Variants in FBXW8 observed in about 807,000 individuals in gnomAD.
FBXW8 encodes F-box/WD repeat-containing protein 8.
A neutral mutation model predicts 65.3 loss-of-function variants in FBXW8; 57 were observed. The observed-to-expected ratio is 0.87, with a 90% CI of 0.71 to 1.09. The LOEUF is 1.09. FBXW8 is among the 50% of genes least tolerant of loss of function. FBXW8 has a pLI of 0.00. For synonymous variants in FBXW8, 308 were observed against 330.2 expected (o/e 0.93, Z 0.73); for missense variants, 777 against 814.8 (o/e 0.95, Z 0.57).
intron 4 of FBXW8, among the ~76,000 whole-genome samples, chr12:116,954,557 G>C (rs1883514386): frequency 1.3e-5 from 2 of 152,064 alleles, no homozygotes; most frequent in Non-Finnish European, 2.9e-5. Flanking sequence ...ATTTTAAAAT[G>C]ATTAGACACA....
chr12:117,024,132 C>T lies in FBXW8; in HGVS notation c.1368-15C>T. 6.2e-7 allele frequency: 1 copy of T among 1,611,264 alleles called. No individual in the cohort carries two copies. Among genetic ancestry groups the T allele is most frequent in the Non-Finnish European group, 8.5e-7 (1 of 1,178,332 alleles). Reference sequence around the variant, plus strand: ...AACCCCATTTCCCTTCTCTGCTCTTCCTGGGCCTGTCCAGGGTGAGGATCC... The same window carrying T: ...AACCCCATTTCCCTTCTCTGCTCTTTCTGGGCCTGTCCAGGGTGAGGATCC... On this transcript the variant is annotated splice_polypyrimidine_tract_variant and intron_variant, in intron 8 of 10. Transcript: ENST00000652555.
In FBXW8 at chr12:116,955,181, G is replaced by T. The variant is rs189260028; in HGVS notation, c.677+5475G>T. Among the ~76,000 whole-genome samples, 825 of 152,162 alleles carry T rather than the reference G, an allele frequency of 5.4e-3. 11 individuals are homozygous for T. The highest frequency in any genetic ancestry group is 0.019 in the African/African-American group (797 of 41,504). Reference sequence around the variant, plus strand: ...CACTCTCTGGACTTCCATTACCTCCGTGAGCGCCTTCTCTGGCCCTCGTTC... The same window carrying T: ...CACTCTCTGGACTTCCATTACCTCCTTGAGCGCCTTCTCTGGCCCTCGTTC... On this transcript the variant is annotated intron_variant, in intron 4 of 10. Coordinates refer to ENST00000652555, the MANE Select transcript of FBXW8 (RefSeq NM_153348.3).
intron 1 of FBXW8, among the ~76,000 whole-genome samples, chr12:116,912,222 C>T (rs915534520): frequency 1.4e-5 from 2 of 138,720 alleles, no homozygotes; most frequent in South Asian, 2.3e-4. Flanking sequence ...GGGTCTTGCT[C>T]TGTTGCCCAG....
chr12:117,010,440 A>G lies in FBXW8; in HGVS notation c.1357A>G (p.Met453Val). Reference protein sequence around the residue: ...SPPNLMVSGNMDGRVRIHDLR... With the variant: ...SPPNLMVSGNVDGRVRIHDLR... ...TCCCAACCTCATGGTCAGTGGCAACATGGACGGGAGGTACGTGAGTTGGAA... is the reference window on the plus strand; with the variant it reads ...TCCCAACCTCATGGTCAGTGGCAACGTGGACGGGAGGTACGTGAGTTGGAA... The change falls in exon 8 of 11, where the codon ATG (methionine) becomes GTG (valine). Residue 453 changes from methionine (M) to valine (V), a missense_variant. Coordinates refer to ENST00000652555, the MANE Select transcript of FBXW8 (RefSeq NM_153348.3). 6.2e-7 allele frequency: 1 copy of G among 1,614,226 alleles called. No individual in the cohort carries two copies. The highest frequency in any genetic ancestry group is 8.5e-7 in the Non-Finnish European group (1 of 1,180,044).
intron 7 of FBXW8, among the ~76,000 whole-genome samples, chr12:117,009,866 T>G (rs1337747228): frequency 6.6e-6 from 1 of 152,188 alleles, no homozygotes; most frequent in Admixed American, 6.5e-5. Context: ...TTCATCTTCC[T>G]GGTCCTTGTA....
chr12:117,022,955 C>T (rs1388134943), intron 8 of FBXW8, among the ~76,000 whole-genome samples: 1 of 152,168 alleles, frequency 6.6e-6, no homozygotes, highest in African/African-American at 2.4e-5. Flanking sequence ...GCAGACACAC[C>T]AGGTCCCACT....
Position 117,024,289 on chromosome 12 carries a change from A to T in FBXW8, c.1510A>T (p.Met504Leu). 1.2e-6 allele frequency: 2 copies of T among 1,614,192 alleles called. No individual in the cohort carries two copies. Among genetic ancestry groups the T allele is most frequent in the Non-Finnish European group, 1.7e-6 (2 of 1,180,022 alleles). Residue 504 changes from methionine (M) to leucine (L), a missense_variant, in exon 9 of 11, where the codon ATG becomes TTG. Coordinates refer to ENST00000652555, the MANE Select transcript of FBXW8 (RefSeq NM_153348.3). ...CCTGGTGTCCGTGTGGGATTATCGGATGAACCAGAAGCTGTGGGAGGTGTA... is the reference window on the plus strand; with the variant it reads ...CCTGGTGTCCGTGTGGGATTATCGGTTGAACCAGAAGCTGTGGGAGGTGTA... ...EGLVSVWDYR[M>L]NQKLWEVYSG...
chr12:116,946,715 C>T (rs180847927), intron 3 of FBXW8, among the ~76,000 whole-genome samples: 8 of 152,022 alleles, frequency 5.3e-5, no homozygotes, highest in Non-Finnish European at 8.8e-5. Flanking sequence ...CATCCACCTA[C>T]GGTAATAAAC....
chr12:117,017,041 C>T (rs984607590), intron 8 of FBXW8, among the ~76,000 whole-genome samples: 38 of 152,278 alleles, frequency 2.5e-4, no homozygotes, highest in African/African-American at 7.5e-4. Context: ...ATTACAATAC[C>T]TCACCCTTTC....
intron 9 of FBXW8, among the ~76,000 whole-genome samples, chr12:117,026,283 TCCTCCAGGCTGCAGG>T (rs1954226117): frequency 1.4e-5 from 2 of 147,476 alleles, no homozygotes; most frequent in Non-Finnish European, 3.0e-5. Context: ...TTTCCTTCAG[TCCTCCAGGCTGCAGG>T]CCTCCACCAA....
intron 5 of FBXW8, among the ~76,000 whole-genome samples, chr12:116,965,316 A>G (rs190473187): frequency 2.9e-4 from 44 of 152,352 alleles, no homozygotes; most frequent in Admixed American, 2.7e-3. Flanking sequence ...TTAATATACC[A>G]TACCAGATAA....
At chr12:116,994,856 G>A (rs1246926840) in intron 7 of FBXW8, among the ~76,000 whole-genome samples, 1 of 152,202 alleles carries the variant, frequency 6.6e-6, no homozygotes, top group Non-Finnish European at 1.5e-5. Context: ...GAATGTATTT[G>A]TAGGATCATT....
rs755028773 is a variant in FBXW8, at chr12:116,945,356, T to A, written c.424-8T>A. On this transcript the variant is annotated splice_polypyrimidine_tract_variant and splice_region_variant and intron_variant, in intron 2 of 10. Transcript: ENST00000652555. ...AATTTGACATTTGTGTCACTTCTGC[T>A]GTTTTAGGTGAGCAAGACGTGGAAG... 3 of 1,602,102 alleles carry A rather than the reference T, an allele frequency of 1.9e-6. No homozygotes were observed. In the South Asian group the frequency reaches 3.3e-5, roughly 18 times the overall value.
chr12:117,025,443 G>A (rs988576621), intron 9 of FBXW8, among the ~76,000 whole-genome samples: 33 of 152,194 alleles, frequency 2.2e-4, no homozygotes, highest in Admixed American at 1.4e-3. Context: ...CCCACTTACC[G>A]CAAATCAAGG....
At chr12:116,947,750 A>AAAAAAAG (rs1555218999) in intron 3 of FBXW8, among the ~76,000 whole-genome samples, 10 of 137,704 alleles carry the variant, frequency 7.3e-5, no homozygotes, top group Non-Finnish European at 1.2e-4. Context: ...AAAAAAAAAA[A>AAAAAAAG]AAAAGAAAAG....
chr12:116,998,511 C>T (rs1218796631), intron 7 of FBXW8, among the ~76,000 whole-genome samples: 1 of 152,180 alleles, frequency 6.6e-6, no homozygotes, highest in Non-Finnish European at 1.5e-5. Context: ...GTGGAATTGC[C>T]TTCCTGGTTT....
At position 116,923,551 on chromosome 12, in the gene FBXW8, G is replaced by T. The variant is rs186413434; in HGVS notation, c.319-4472G>T. On this transcript the variant is annotated intron_variant, in intron 1 of 10. Coordinates refer to ENST00000652555, the MANE Select transcript of FBXW8 (RefSeq NM_153348.3). ...TTTTTTTGTTTTGAGACAGAGTCTC[G>T]CTCGCTCTGTCACCCAGGCTGGAGT... Among the ~76,000 whole-genome samples, 119 of 150,604 alleles carry T rather than the reference G, an allele frequency of 7.9e-4. 1 individual carries two copies. The highest frequency in any genetic ancestry group is 2.8e-3 in the African/African-American group (116 of 40,986).
intron 4 of FBXW8, among the ~76,000 whole-genome samples, chr12:116,962,888 C>T (rs1344896781): frequency 2.0e-5 from 3 of 152,326 alleles, no homozygotes; most frequent in Admixed American, 1.3e-4. Context: ...GGGCAGTGAG[C>T]TCCAGGGTAT....
intron 5 of FBXW8, chr12:116,980,538 G>GT (rs757778848): frequency 6.6e-6 from 1 of 152,190 alleles, no homozygotes; most frequent in Non-Finnish European, 1.5e-5. Context: ...CATTTCACAA[G>GT]TTCACAGTGT....
Sources: gnomAD v4.1 joint callset for allele counts (sites outside exome capture counted in the v4.1 genomes callset) on GRCh38, gnomAD v4.1.1 for gene constraint, MANE v1.5 for transcripts, NCBI Gene and HGNC (gene_info 2026-07-23, HGNC 2026-07-21) for gene names.